The following LSP1 variants were observed in gnomAD, a reference collection of about 807,000 sequenced individuals.
The protein encoded by LSP1 is lymphocyte-specific protein 1.
A neutral mutation model predicts 49.3 loss-of-function variants in LSP1; 32 were observed. The observed-to-expected ratio is 0.65, with a 90% CI of 0.49 to 0.87. The LOEUF is 0.87. Among genes scored for constraint, LSP1 ranks in the 40% least tolerant of loss-of-function variants. The pLI is 0.00. For missense variants in LSP1, 428 were observed against 442.6 expected, an observed-to-expected ratio of 0.97 and a Z score of 0.30; for synonymous variants, 179 against 178.8, an observed-to-expected ratio of 1.00 and a Z score of -0.01.
chr11:1,873,237 G>A lies in LSP1; in HGVS notation c.54-6850G>A, dbSNP rs538089578. Reference sequence around the variant, plus strand: ...CCTTGGCTGTGCCTCCCTGGGGACCGCTAGGCATACGCACGGCCACTGCAC... The same window carrying A: ...CCTTGGCTGTGCCTCCCTGGGGACCACTAGGCATACGCACGGCCACTGCAC... On this transcript the variant is annotated intron_variant, in intron 1 of 10. Transcript: ENST00000311604. 3.3e-5 allele frequency among the ~76,000 whole-genome samples: 5 copies of A among 152,120 alleles called. No individual in the cohort carries two copies. The East Asian group carries it at 9.7e-4, about 29-fold the overall frequency.
chr11:1,879,345 C>CAAAT (rs779959317), intron 1 of LSP1, among the ~76,000 whole-genome samples: 1 of 152,110 alleles, frequency 6.6e-6, no homozygotes, highest in African/African-American at 2.4e-5. Flanking sequence ...AACTCCGTCT[C>CAAAT]AAACAAACAA....
At chr11:1,864,659 C>G (rs916753296) in intron 1 of LSP1, among the ~76,000 whole-genome samples, 1 of 151,586 alleles carries the variant, frequency 6.6e-6, no homozygotes, top group Admixed American at 6.6e-5. Context: ...CTGGGGGAAA[C>G]AAAAGAGAAG....
intron 1 of LSP1, chr11:1,876,368 C>T: frequency 1.2e-6 from 1 of 857,850 alleles, no homozygotes; most frequent in African/African-American, 1.8e-5. Flanking sequence ...AGCCCAGCTC[C>T]CCAGGCCTCC....
intron 7 of LSP1, among the ~76,000 whole-genome samples, chr11:1,885,150 T>A (rs1229697497): frequency 1.3e-5 from 2 of 150,972 alleles, no homozygotes; most frequent in Non-Finnish European, 3.0e-5. Flanking sequence ...ATCCAATCAA[T>A]GTCCCTCCCA....
intron 10 of LSP1, chr11:1,889,327 G>T: frequency 1.4e-6 from 1 of 710,266 alleles, no homozygotes. Context: ...CCACCGCTGG[G>T]CCCTGCCAGG....
Position 1,884,413 on chromosome 11 carries a change from G to C in LSP1, c.636-87G>C. 1 of 1,607,328 alleles carries C rather than the reference G, an allele frequency of 6.2e-7. No homozygotes were observed. The highest frequency in any genetic ancestry group is 8.5e-7 in the Non-Finnish European group (1 of 1,173,982). Reference sequence around the variant, plus strand: ...GGGAGTCACAAGGTAGAGATCTGGAGACCGAGGGGGGCTCTGGGAGAGGCT... The same window carrying C: ...GGGAGTCACAAGGTAGAGATCTGGACACCGAGGGGGGCTCTGGGAGAGGCT... On this transcript the variant is annotated intron_variant, in intron 6 of 10. Transcript: ENST00000311604. This position sits in a 1 kb window ranked among gnomAD's most constrained non-coding sequence, Gnocchi z 4.1.
intron 3 of LSP1, among the ~76,000 whole-genome samples, chr11:1,881,849 C>T (rs775186035): frequency 8.5e-5 from 13 of 152,078 alleles, no homozygotes; most frequent in Admixed American, 5.2e-4. Flanking sequence ...AGGAAGAGGG[C>T]GAGACAGCAT....
chr11:1,876,677 G>A lies in LSP1; in HGVS notation c.54-3410G>A, dbSNP rs1006698571. 8 of 969,130 alleles carry A rather than the reference G, an allele frequency of 8.3e-6. No individual in the cohort carries two copies. The African/African-American group carries it at 1.4e-4, about 17-fold the overall frequency. The allele number at this position is 969,130 out of a possible 1,614,324, so 60.0% of individuals were successfully genotyped here. On this transcript the variant is annotated intron_variant, in intron 1 of 10. Transcript: ENST00000311604. ...AGCTGGGAGTGCTGGGCCGAGGATG[G>A]GCATTGTCAGGCCCTCAGCGGGGAC...
intron 1 of LSP1, among the ~76,000 whole-genome samples, chr11:1,859,905 C>G (rs1396810191): frequency 1.3e-5 from 2 of 152,208 alleles, no homozygotes; most frequent in African/African-American, 4.8e-5. Flanking sequence ...AATGAGGCCA[C>G]CACCCTGACC....
At chr11:1,871,811 G>A (rs1204032124) in intron 1 of LSP1, among the ~76,000 whole-genome samples, 2 of 149,388 alleles carry the variant, frequency 1.3e-5, no homozygotes, top group African/African-American at 5.0e-5. Context: ...CTGTCCGGCT[G>A]GCGTGGGCAC....
chr11:1,869,586 C>T (rs1847907474), intron 1 of LSP1: 6 of 466,754 alleles, frequency 1.3e-5, no homozygotes, highest in South Asian at 9.3e-5. Context: ...AGGGGTCTCT[C>T]CCACGTGGGC....
chr11:1,871,536 G>C, intron 1 of LSP1: 1 of 932,542 alleles, frequency 1.1e-6, no homozygotes, highest in Non-Finnish European at 1.3e-6. Context: ...CAGGGGTAGA[G>C]GGGTTGGGGG....
chr11:1,871,233 G>A, intron 1 of LSP1: 1 of 986,676 alleles, frequency 1.0e-6, no homozygotes, highest in Non-Finnish European at 1.2e-6. Context: ...CAGGCACGGG[G>A]CAGGCAGAGC....
intron 1 of LSP1, chr11:1,870,112 C>A: frequency 2.0e-6 from 1 of 490,736 alleles, no homozygotes; most frequent in Non-Finnish European, 4.1e-6. Flanking sequence ...TGCACTGGTG[C>A]TCACTGTGCC....
chr11:1,889,454 A>G (rs544972632), intron 10 of LSP1: 1 of 639,416 alleles, frequency 1.6e-6, no homozygotes, highest in African/African-American at 1.8e-5. Flanking sequence ...CTGTGGGGGC[A>G]GGCACCTCCT....
intron 10 of LSP1, chr11:1,889,366 G>T: frequency 1.4e-6 from 1 of 709,148 alleles, no homozygotes. Context: ...ACTGACATGC[G>T]GTACAGCACG....
At chr11:1,871,489 C>T (rs535489193) in intron 1 of LSP1, 23 of 984,970 alleles carry the variant, frequency 2.3e-5, no homozygotes, top group Middle Eastern at 5.2e-4. Flanking sequence ...GCTCTGAGGA[C>T]GGTCCCTGAC....
rs1847534076 is a variant in LSP1, at chr11:1,858,080, C to T, written c.53+4883C>T. Among the ~76,000 whole-genome samples the T allele has an allele frequency of 2.0e-5, 3 of 152,208 alleles. 1 individual carries two copies. The South Asian group carries it at 6.2e-4, about 31-fold the overall frequency. On this transcript the variant is annotated intron_variant, in intron 1 of 10. Transcript: ENST00000311604. ...CTTTGCCAAGCTTTTTAAACCAAGG[C>T]TCTTGTTTCATCCCCCGGAGCTGTG...
rs1223328434 is a variant in LSP1, at chr11:1,884,532, C to G, written c.668C>G (p.Pro223Arg). 1 of 1,613,882 alleles carries G rather than the reference C, an allele frequency of 6.2e-7. No individual in the cohort carries two copies. Among genetic ancestry groups the G allele is most frequent in the Admixed American group, 1.7e-5 (1 of 59,990 alleles). The change falls in exon 7 of 11, where the codon CCC (proline) becomes CGC (arginine). Residue 223 changes from proline (P) to arginine (R), a missense_variant. By Grantham distance (103) the Pro-to-Arg change is moderately radical. Transcript: ENST00000311604. This position sits in a 1 kb window ranked among gnomAD's most constrained non-coding sequence, Gnocchi z 4.1. Reference protein sequence around the residue: ...NSVKKSQPDLPISKIDQWLEQ... With the variant: ...NSVKKSQPDLRISKIDQWLEQ... ...GTGAAGAAATCCCAGCCAGACTTGC[C>G]CATCTCCAAGATTGATCAGTGGCTG...
Sources: gnomAD v4.1 joint callset for allele counts (sites outside exome capture counted in the v4.1 genomes callset) on GRCh38, gnomAD v4.1.1 for gene constraint, Gnocchi (gnomAD v3.1) non-coding constraint, MANE v1.5 for transcripts, NCBI Gene and HGNC (gene_info 2026-07-23, HGNC 2026-07-21) for gene names.